ELMOD3: variants seen among roughly 807,000 people sequenced by gnomAD.
ELMOD3 encodes ELMO domain-containing protein 3.
In ELMOD3, 36 loss-of-function variants were observed where a neutral mutation model predicts 47.4. The observed-to-expected ratio is 0.76, with a 90% CI of 0.58 to 1.00. The LOEUF is 1.00. ELMOD3 is among the 50% of genes least tolerant of loss of function. The pLI is 0.00. For missense variants in ELMOD3, 404 were observed against 463.8 expected, an observed-to-expected ratio of 0.87 and a Z score of 1.18; for synonymous variants, 149 against 183.5, an observed-to-expected ratio of 0.81 and a Z score of 1.52.
At position 85,369,616 on chromosome 2, in the gene ELMOD3, A is replaced by G. The variant is rs3821021; in HGVS notation, c.269-123A>G. On this transcript the variant is annotated intron_variant, in intron 7 of 13. Transcript: ENST00000409013. ...TGAAAGAAGATTGGTTGTAGCTGTA[A>G]GTGTCTGATGTTCAACTGGAAGCCA... The G allele has an allele frequency of 0.096, 91,390 of 950,540 alleles. 4,897 individuals carry two copies. The highest frequency in any genetic ancestry group is 0.16 in the South Asian group (10,156 of 64,264). The allele number at this position is 950,540 out of a possible 1,614,324, so 58.9% of individuals were successfully genotyped here.
intron 10 of ELMOD3, 61 bp from the exon 11 acceptor site, chr2:85,377,283 T>C (rs1237809454): frequency 2.0e-6 from 3 of 1,476,982 alleles, no homozygotes; most frequent in Admixed American, 2.2e-5. Flanking sequence ...CAGCTTCCCA[T>C]GGCAAGCCCT....
At position 85,390,751 on chromosome 2, in the gene ELMOD3, C is replaced by G. The variant is rs1558723479; in HGVS notation, c.944-9C>G. 6.5e-7 allele frequency: 1 copy of G among 1,550,372 alleles called. No homozygotes were observed. Among genetic ancestry groups the G allele is most frequent in the South Asian group, 1.2e-5 (1 of 83,994 alleles). The stretch of plus-strand genomic sequence containing the variant: ...CAAGCCTTCTGCTCCCCAATTCTCT[C>G]TGTTGCAGAGTTGGAAGTATTGGCC... On this transcript the variant is annotated splice_polypyrimidine_tract_variant and intron_variant, in intron 13 of 13. Coordinates refer to ENST00000409013, the MANE Select transcript of ELMOD3 (RefSeq NM_001135022.2).
chr2:85,357,058 T>G lies in ELMOD3; in HGVS notation c.-141T>G. 1.6e-6 allele frequency: 1 copy of G among 611,472 alleles called. No individual in the cohort carries two copies. The highest frequency in any genetic ancestry group is 2.9e-6 in the Non-Finnish European group (1 of 346,646). 37.9% of individuals were successfully genotyped at this position (611,472 alleles called of 1,614,324 possible). On this transcript the variant is annotated 5_prime_UTR_variant, in exon 4 of 14. Transcript: ENST00000409013. Reference sequence around the variant, plus strand: ...TGGCACAAAGGGACTGTTTTCTTACTCTTAGTCTGAGTGACTGCCAAGGAA... The same window carrying G: ...TGGCACAAAGGGACTGTTTTCTTACGCTTAGTCTGAGTGACTGCCAAGGAA...
intron 10 of ELMOD3, 72 bp from the exon 11 acceptor site, chr2:85,377,272 G>A: frequency 4.3e-6 from 6 of 1,410,066 alleles, no homozygotes; most frequent in Admixed American, 2.3e-5. Context: ...CAGTGTCAGG[G>A]CAGCTTCCCA....
At chr2:85,361,788 G>A (rs759152818) in intron 4 of ELMOD3, among the ~76,000 whole-genome samples, 4 of 151,980 alleles carry the variant, frequency 2.6e-5, no homozygotes, top group Non-Finnish European at 5.9e-5. Flanking sequence ...AAAATTAGTC[G>A]GGCCTGGTGG....
At position 85,362,179 on chromosome 2, in the gene ELMOD3, T is replaced by C; in HGVS notation, c.55-7T>C. ...GCCTAGGAGATTGACCCTTGTCTGT[T>C]TTACAGGGTGAAAGATTGTCTGCTG... On this transcript the variant is annotated splice_polypyrimidine_tract_variant and splice_region_variant and intron_variant, in intron 4 of 13. Coordinates refer to ENST00000409013, the MANE Select transcript of ELMOD3 (RefSeq NM_001135022.2). 6.4e-7 allele frequency: 1 copy of C among 1,552,158 alleles called. No homozygotes were observed. The highest frequency in any genetic ancestry group is 1.4e-5 in the African/African-American group (1 of 73,856).
intron 6 of ELMOD3, among the ~76,000 whole-genome samples, chr2:85,365,743 T>C (rs1380475091): frequency 6.6e-6 from 1 of 152,182 alleles, no homozygotes; most frequent in Non-Finnish European, 1.5e-5. Flanking sequence ...TCCCACCCCC[T>C]TGCCACTGTG....
chr2:85,381,724 T>A (rs758990521), intron 11 of ELMOD3, among the ~76,000 whole-genome samples: 10 of 151,978 alleles, frequency 6.6e-5, no homozygotes, highest in Admixed American at 1.3e-4. Context: ...CCTTGAAGAG[T>A]TGAGTAGCTT....
At chr2:85,364,823 ATATTTTTTTT>A (rs1365676615) in intron 6 of ELMOD3, among the ~76,000 whole-genome samples, 80 of 86,994 alleles carry the variant, frequency 9.2e-4, no homozygotes, top group African/African-American at 4.5e-3. Flanking sequence ...ATATATATAT[ATATTTTTTTT>A]TTTTTTTTTT....
rs949579671 is a variant in ELMOD3 at position 85,391,150 on chromosome 2, T to C, written c.*188T>C. 6.6e-6 allele frequency: 4 copies of C among 602,832 alleles called. No individual in the cohort carries two copies. Among genetic ancestry groups the C allele is most frequent in the African/African-American group, 5.6e-5 (3 of 53,756 alleles). The allele number at this position is 602,832 out of a possible 1,614,324, so 37.3% of individuals were successfully genotyped here. On this transcript the variant is annotated 3_prime_UTR_variant, in exon 14 of 14. Transcript: ENST00000409013. ...CATGGGACATGAGGGGCAGCTAGAC[T>C]TCACCCCCTTCCCGCAGACCTGCCT...
Position 85,368,433 on chromosome 2 carries a change from G to C in ELMOD3, c.200-253G>C, listed in dbSNP as rs1167160664. 8.3e-6 allele frequency: 4 copies of C among 483,108 alleles called. No individual in the cohort carries two copies. The East Asian group carries it at 1.1e-4, about 13-fold the overall frequency. 29.9% of individuals were successfully genotyped at this position (483,108 alleles called of 1,614,324 possible). A position where few individuals can be genotyped will look rare whatever the true frequency, so the allele number is the denominator to read the frequency against. On this transcript the variant is annotated intron_variant, in intron 6 of 13. Coordinates refer to ENST00000409013, the MANE Select transcript of ELMOD3 (RefSeq NM_001135022.2). ...ATCAATATGGGGACCACCCGGGAGT[G>C]GGGGATCACCAGGTGGCCTAAGGAA...
chr2:85,383,043 T>C (rs935314804), intron 11 of ELMOD3, among the ~76,000 whole-genome samples: 13 of 147,688 alleles, frequency 8.8e-5, no homozygotes, highest in Non-Finnish European at 1.5e-4. Flanking sequence ...CAGGAAATCT[T>C]ACCTTCCTTG....
chr2:85,366,338 T>C (rs1347069916), intron 6 of ELMOD3, among the ~76,000 whole-genome samples: 2 of 152,142 alleles, frequency 1.3e-5, no homozygotes, highest in African/African-American at 4.8e-5. Flanking sequence ...GTAAGTTTTA[T>C]TTTCTTGATC....
intron 12 of ELMOD3, 75 bp downstream of exon 12, chr2:85,389,902 C>A: frequency 7.2e-7 from 1 of 1,391,944 alleles, no homozygotes; most frequent in East Asian, 2.3e-5. Flanking sequence ...TTAATTTTCC[C>A]CAGCTCTACT....
chr2:85,390,468 G>T (rs1186473176), intron 13 of ELMOD3: 1 of 1,613,708 alleles, frequency 6.2e-7, no homozygotes, highest in Non-Finnish European at 8.5e-7. Context: ...CCCTTTTCTG[G>T]TCTTATACTT....
chr2:85,377,250 C>T, intron 10 of ELMOD3, 94 bp from the exon 11 acceptor site: 1 of 1,203,268 alleles, frequency 8.3e-7, no homozygotes, highest in South Asian at 1.8e-5. Flanking sequence ...CTCCGCTAGC[C>T]TGGGAAGAGG....
At chr2:85,363,031 G>C in intron 5 of ELMOD3, 66 bp from the exon 6 acceptor site, 1 of 975,372 alleles carries the variant, frequency 1.0e-6, no homozygotes, top group Non-Finnish European at 1.6e-6. Context: ...CAGTGGGTGG[G>C]AAGCGTTTGT....
chr2:85,380,520 G>T (rs1055713899), intron 11 of ELMOD3, among the ~76,000 whole-genome samples: 2 of 152,092 alleles, frequency 1.3e-5, no homozygotes, highest in Admixed American at 6.6e-5. Context: ...TTAAGATGAT[G>T]ATTATTATTT....
intron 6 of ELMOD3, among the ~76,000 whole-genome samples, chr2:85,364,823 ATATTTTT>A (rs1329663434): frequency 3.4e-5 from 3 of 87,020 alleles, no homozygotes; most frequent in Admixed American, 2.4e-4. Flanking sequence ...ATATATATAT[ATATTTTT>A]TTTTTTTTTT....
Sources: gnomAD v4.1 joint callset for allele counts (sites outside exome capture counted in the v4.1 genomes callset) on GRCh38, gnomAD v4.1.1 for gene constraint, MANE v1.5 for transcripts, NCBI Gene and HGNC (gene_info 2026-07-23, HGNC 2026-07-21) for gene names.